The following MAF variants were observed in gnomAD, a reference collection of about 807,000 sequenced individuals.
The protein encoded by MAF is transcription factor Maf.
A neutral mutation model predicts 22.0 loss-of-function variants in MAF; 10 were observed. That is an observed-to-expected ratio of 0.45 (90% CI 0.28 to 0.77). The LOEUF is 0.77. Among genes scored for constraint, MAF ranks in the 30% least tolerant of loss-of-function variants. The pLI, the probability that MAF is intolerant of heterozygous loss-of-function variation, is 0.12. For missense variants in MAF, 544 were observed against 548.4 expected, an observed-to-expected ratio of 0.99 and a Z score of 0.08; for synonymous variants, 337 against 255.8, an observed-to-expected ratio of 1.32 and a Z score of -3.03.
the MAF span, among the ~76,000 whole-genome samples, chr16:79,571,949 C>G: frequency 0.049 from 7,454 of 152,206 alleles, 273 homozygotes; most frequent in Middle Eastern, 0.095. Context: ...AGCCCCTGCC[C>G]CTGCCTGACT....
chr16:79,462,269 C>A, the MAF span, among the ~76,000 whole-genome samples: 8 of 152,202 alleles, frequency 5.3e-5, no homozygotes, highest in African/African-American at 1.9e-4. Flanking sequence ...ATGAGGGAGG[C>A]ACTTTTATTA....
chr16:79,303,322 G>A, the MAF span, among the ~76,000 whole-genome samples: 10 of 152,182 alleles, frequency 6.6e-5, no homozygotes, highest in Admixed American at 1.3e-4. Flanking sequence ...TGCCTCACCA[G>A]GCAGATAAAT....
At chr16:79,399,957 C>A in the MAF span, among the ~76,000 whole-genome samples, 8 of 152,212 alleles carry the variant, frequency 5.3e-5, no homozygotes, top group African/African-American at 1.9e-4. Flanking sequence ...GTAAACTTAA[C>A]CCTGGCAAAG....
At chr16:79,460,153 T>C in the MAF span, among the ~76,000 whole-genome samples, 7 of 152,216 alleles carry the variant, frequency 4.6e-5, no homozygotes, top group African/African-American at 1.7e-4. Context: ...ATTTTCTGTT[T>C]ATCATTTTTA....
chr16:79,209,009 G>GGTT, the MAF span, among the ~76,000 whole-genome samples: 1 of 152,184 alleles, frequency 6.6e-6, no homozygotes, highest in East Asian at 1.9e-4. Context: ...GAGTAGAGAA[G>GGTT]GTCGTCTTTG....
the MAF span, among the ~76,000 whole-genome samples, chr16:79,486,861 T>C: frequency 6.6e-6 from 1 of 152,220 alleles, no homozygotes; most frequent in African/African-American, 2.4e-5. Flanking sequence ...CAGATCATAC[T>C]CGTAGCTACT....
chr16:79,420,857 C>CAGG, the MAF span, among the ~76,000 whole-genome samples: 2 of 152,188 alleles, frequency 1.3e-5, no homozygotes, highest in Non-Finnish European at 2.9e-5. Flanking sequence ...TGGAGAAACC[C>CAGG]CTGCCGTCTC....
At chr16:79,342,578 ATCACTG>A in the MAF span, among the ~76,000 whole-genome samples, 1 of 151,902 alleles carries the variant, frequency 6.6e-6, no homozygotes, top group African/African-American at 2.4e-5. Flanking sequence ...CACCATCACC[ATCACTG>A]TCACCATCAC....
chr16:79,300,651 A>G, the MAF span, among the ~76,000 whole-genome samples: 4 of 152,158 alleles, frequency 2.6e-5, no homozygotes, highest in African/African-American at 7.2e-5. Flanking sequence ...ATGAAAATAA[A>G]AACCAAATCA....
At chr16:79,471,587 G>A in the MAF span, among the ~76,000 whole-genome samples, 1 of 152,184 alleles carries the variant, frequency 6.6e-6, no homozygotes, top group Non-Finnish European at 1.5e-5. Context: ...TGAGGTAGGA[G>A]GATGGCTCCA....
chr16:79,533,237 AG>A, the MAF span, among the ~76,000 whole-genome samples: 1 of 152,148 alleles, frequency 6.6e-6, no homozygotes, highest in Non-Finnish European at 1.5e-5. Context: ...TATTTTTTAA[AG>A]GGGGCAGAGG....
chr16:79,351,718 C>T, the MAF span, among the ~76,000 whole-genome samples: 2 of 151,970 alleles, frequency 1.3e-5, no homozygotes, highest in Non-Finnish European at 2.9e-5. Context: ...AGCCCATTGC[C>T]CACCCCACTG....
the MAF span, among the ~76,000 whole-genome samples, chr16:79,350,243 C>A: frequency 6.6e-6 from 1 of 152,120 alleles, no homozygotes; most frequent in Non-Finnish European, 1.5e-5. Context: ...AATGAGCAGG[C>A]GAGTAAGTTA....
At chr16:79,310,040 T>C in the MAF span, among the ~76,000 whole-genome samples, 2 of 152,120 alleles carry the variant, frequency 1.3e-5, no homozygotes, top group East Asian at 1.9e-4. Flanking sequence ...GCAGAACATA[T>C]GGAAAAATAT....
the MAF span, among the ~76,000 whole-genome samples, chr16:79,404,016 C>T: frequency 1.3e-5 from 2 of 152,166 alleles, no homozygotes; most frequent in East Asian, 3.9e-4. Flanking sequence ...GACCATGCAT[C>T]ACCACGTATT....
At chr16:79,317,987 C>G in the MAF span, among the ~76,000 whole-genome samples, 1 of 152,188 alleles carries the variant, frequency 6.6e-6, no homozygotes, top group Non-Finnish European at 1.5e-5. Flanking sequence ...AGAGCCACAT[C>G]CTGGAACATA....
the MAF span, among the ~76,000 whole-genome samples, chr16:79,551,417 A>G: frequency 6.6e-6 from 1 of 152,174 alleles, no homozygotes; most frequent in Non-Finnish European, 1.5e-5. Flanking sequence ...TGGGTAATTT[A>G]TGGAAGCAAT....
chr16:79,534,440 C>A, the MAF span, among the ~76,000 whole-genome samples: 1 of 152,058 alleles, frequency 6.6e-6, no homozygotes, highest in African/African-American at 2.4e-5. Flanking sequence ...GAATGCAATG[C>A]CCCAAAGCTA....
the MAF span, among the ~76,000 whole-genome samples, chr16:79,364,550 G>A: frequency 6.6e-5 from 10 of 152,170 alleles, no homozygotes; most frequent in Non-Finnish European, 1.5e-4. Flanking sequence ...AGGAAGTCAT[G>A]GACACACATC....
Sources: gnomAD v4.1 joint callset for allele counts (sites outside exome capture counted in the v4.1 genomes callset) on GRCh38, gnomAD v4.1.1 for gene constraint, MANE v1.5 for transcripts, NCBI Gene and HGNC (gene_info 2026-07-23, HGNC 2026-07-21) for gene names.